Variants in GRM1 observed in about 807,000 individuals in gnomAD.
The protein encoded by GRM1 is glutamate metabotropic receptor 1, also known as metabotropic glutamate receptor 1.
Under a neutral mutation model 90.9 loss-of-function variants are expected in GRM1, and 33 were observed. The observed-to-expected ratio is 0.36, with a 90% CI of 0.28 to 0.49. The LOEUF is 0.49. Among genes scored for constraint, GRM1 ranks in the 20% least tolerant of loss-of-function variants. GRM1 has a pLI of 0.99. For missense variants in GRM1, 1,190 were observed against 1,534.3 expected, an observed-to-expected ratio of 0.78 and a Z score of 3.75; for synonymous variants, 700 against 613.2, an observed-to-expected ratio of 1.14 and a Z score of -2.09.
At chr6:146,081,545 T>C (rs1270590944) in intron 1 of GRM1, among the ~76,000 whole-genome samples, 1 of 152,120 alleles carries the variant, frequency 6.6e-6, no homozygotes, top group East Asian at 1.9e-4. Flanking sequence ...CTGAAGTTAA[T>C]ATAAAGTGAA....
At chr6:146,278,634 A>G (rs1198021940) in intron 2 of GRM1, among the ~76,000 whole-genome samples, 1 of 152,090 alleles carries the variant, frequency 6.6e-6, no homozygotes, top group Non-Finnish European at 1.5e-5. Flanking sequence ...AAATACAAAA[A>G]TTAGCCGGGT....
rs542882093 is a variant in GRM1, at chr6:146,157,873, T to C, written c.701-1475T>C. ...TTGGTAGACTGTTTCTATGTTCTTA[T>C]TGAAATATGAAATGACAACCAAGCC... On this transcript the variant is annotated intron_variant, in intron 1 of 7. Coordinates refer to ENST00000282753, the MANE Select transcript of GRM1 (RefSeq NM_001278064.2). 3.3e-5 allele frequency among the ~76,000 whole-genome samples: 5 copies of C among 152,280 alleles called. No homozygotes were observed. The South Asian group carries it at 1.0e-3, about 32-fold the overall frequency.
intron 3 of GRM1, among the ~76,000 whole-genome samples, chr6:146,316,372 C>T (rs1414877420): frequency 3.3e-5 from 5 of 152,156 alleles, no homozygotes; most frequent in South Asian, 2.1e-4. Flanking sequence ...TCTCAAGGGA[C>T]AATTAGTCAC....
intron 3 of GRM1, among the ~76,000 whole-genome samples, chr6:146,316,204 G>C (rs544547224): frequency 6.6e-6 from 1 of 152,226 alleles, no homozygotes; most frequent in Non-Finnish European, 1.5e-5. Context: ...ACGTGTCTTG[G>C]CTCATGGCCC....
chr6:146,264,258 G>C (rs1158602562), intron 2 of GRM1, among the ~76,000 whole-genome samples: 1 of 151,954 alleles, frequency 6.6e-6, no homozygotes, highest in Non-Finnish European at 1.5e-5. Context: ...TGTTTTCAGT[G>C]TTCTAAAATG....
At chr6:146,203,507 C>T (rs976420700) in intron 2 of GRM1, among the ~76,000 whole-genome samples, 4 of 152,110 alleles carry the variant, frequency 2.6e-5, no homozygotes, top group Non-Finnish European at 5.9e-5. Context: ...TAATTGTGCA[C>T]CTAGGCTCAA....
At chr6:146,225,819 A>C (rs1780221024) in intron 2 of GRM1, among the ~76,000 whole-genome samples, 1 of 152,132 alleles carries the variant, frequency 6.6e-6, no homozygotes, top group African/African-American at 2.4e-5. Context: ...AAATTCACTT[A>C]CCAAAACAAA....
chr6:146,219,324 A>G (rs1779976685), intron 2 of GRM1, among the ~76,000 whole-genome samples: 2 of 152,198 alleles, frequency 1.3e-5, no homozygotes, highest in Admixed American at 1.3e-4. Flanking sequence ...AGAGGCTTTG[A>G]TAAAGCCACC....
intron 2 of GRM1, among the ~76,000 whole-genome samples, chr6:146,267,943 A>G (rs1405576343): frequency 6.6e-6 from 1 of 152,172 alleles, no homozygotes; most frequent in African/African-American, 2.4e-5. Context: ...AGTATTAACC[A>G]TCACAAGTCA....
intron 3 of GRM1, among the ~76,000 whole-genome samples, chr6:146,350,702 A>C (rs1189186533): frequency 6.6e-6 from 1 of 152,140 alleles, no homozygotes; most frequent in Non-Finnish European, 1.5e-5. Flanking sequence ...TGAATCTGCA[A>C]TTTTTGGAAG....
At chr6:146,410,282 A>G (rs1373650003) in intron 7 of GRM1, among the ~76,000 whole-genome samples, 1 of 152,162 alleles carries the variant, frequency 6.6e-6, no homozygotes, top group African/African-American at 2.4e-5. Context: ...TACAGAGTCG[A>G]CTATTTTGCA....
chr6:146,124,943 A>C (rs950402799), intron 1 of GRM1, among the ~76,000 whole-genome samples: 1 of 152,192 alleles, frequency 6.6e-6, no homozygotes, highest in Non-Finnish European at 1.5e-5. Context: ...AAACTAGAGA[A>C]AACTGTTAGT....
intron 2 of GRM1, among the ~76,000 whole-genome samples, chr6:146,187,493 G>T (rs1054672937): frequency 1.3e-5 from 2 of 151,882 alleles, no homozygotes; most frequent in African/African-American, 4.8e-5. Flanking sequence ...ATGCATTAAG[G>T]CACATTTATA....
At chr6:146,060,326 C>T (rs554355624) in intron 1 of GRM1, among the ~76,000 whole-genome samples, 38 of 151,874 alleles carry the variant, frequency 2.5e-4, no homozygotes, top group African/African-American at 8.7e-4. Flanking sequence ...GGGAATTTGG[C>T]GTACAGATTA....
chr6:146,170,034 T>C (rs1037050780), intron 2 of GRM1, among the ~76,000 whole-genome samples: 27 of 152,176 alleles, frequency 1.8e-4, no homozygotes, highest in African/African-American at 6.5e-4. Context: ...ATATTTTTGC[T>C]GGATATAAGA....
intron 6 of GRM1, among the ~76,000 whole-genome samples, chr6:146,390,261 T>C (rs1259186375): frequency 6.6e-6 from 1 of 152,034 alleles, no homozygotes; most frequent in African/African-American, 2.4e-5. Flanking sequence ...AAAACAGGTT[T>C]ACTGTGGTTT....
At chr6:146,171,531 C>A (rs915376737) in intron 2 of GRM1, 5 of 220,182 alleles carry the variant, frequency 2.3e-5, no homozygotes, top group Non-Finnish European at 3.0e-5. Context: ...CCCGTGACAA[C>A]CCAGCTGTTA....
intron 2 of GRM1, among the ~76,000 whole-genome samples, chr6:146,193,182 G>T (rs1778988499): frequency 6.6e-6 from 1 of 152,164 alleles, no homozygotes. Context: ...TGGATGTGAA[G>T]ATGTTAAATA....
chr6:146,418,719 T>A (rs1777875922), intron 7 of GRM1, among the ~76,000 whole-genome samples: 1 of 152,198 alleles, frequency 6.6e-6, no homozygotes, highest in South Asian at 2.1e-4. Context: ...ATATTCATAC[T>A]TGGAATATTT....
Sources: gnomAD v4.1 joint callset for allele counts (sites outside exome capture counted in the v4.1 genomes callset) on GRCh38, gnomAD v4.1.1 for gene constraint, MANE v1.5 for transcripts, NCBI Gene and HGNC (gene_info 2026-07-23, HGNC 2026-07-21) for gene names.